The following TBRG4 variants were observed in gnomAD, a reference collection of about 807,000 sequenced individuals.
The protein encoded by TBRG4 is transforming growth factor beta regulator 4.
A neutral mutation model predicts 65.6 loss-of-function variants in TBRG4; 43 were observed. The ratio of observed to expected loss-of-function variants is 0.66; its 90% CI spans 0.51 to 0.85. The LOEUF (loss-of-function observed/expected upper bound fraction) is 0.85. Ranked by LOEUF, TBRG4 falls within the 40% of genes least tolerant of loss-of-function variation. The probability of loss-of-function intolerance (pLI) is 0.00; values close to 1 mark genes in which losing one functional copy is unlikely to be tolerated. For synonymous variants in TBRG4, 366 were observed against 341.4 expected (o/e 1.07, Z -0.79); for missense variants, 709 against 787.9 (o/e 0.90, Z 1.20).
intron 1 of TBRG4, among the ~76,000 whole-genome samples, chr7:45,110,384 C>T (rs982312313): frequency 1.3e-5 from 2 of 152,046 alleles, no homozygotes; most frequent in African/African-American, 2.4e-5. Context: ...ACAATTCTAT[C>T]GGCCAGGCGC....
At chr7:45,101,640 C>T (rs1340316273) in intron 8 of TBRG4, 26 bp from the exon 9 acceptor site, 2 of 1,610,090 alleles carry the variant, frequency 1.2e-6, no homozygotes, top group Non-Finnish European at 8.5e-7. Context: ...GGGATGAGAA[C>T]ATGTTGGGGG....
intron 2 of TBRG4, chr7:45,106,429 T>C (rs1584032564): frequency 6.2e-6 from 1 of 162,336 alleles, no homozygotes; most frequent in South Asian, 1.7e-4. Context: ...TTGAGCCTGA[T>C]GGATGTCACC....
rs770295330 is a variant in TBRG4, at chr7:45,104,110, C to T, written c.1054G>A (p.Ala352Thr). The change falls in exon 5 of 11, where the codon GCC becomes ACC. Residue 352 changes from alanine (A) to threonine (T), a missense_variant. Physicochemically the swap from Ala to Thr is moderately conservative, Grantham distance 58 (BLOSUM62 0). Coordinates refer to ENST00000258770, the MANE Select transcript of TBRG4 (RefSeq NM_004749.4). ...LKWLSLPLFE[A>T]FAQHVLNRAQ... is the part of the protein sequence containing the mutation. ...AGGCCCTGGCTCACCTGGGCAAAGG[C>T]CTCAAACAGGGGCAGGCTGAGCCAC... 30 of 1,606,838 alleles carry T rather than the reference C, an allele frequency of 1.9e-5. No individual in the cohort carries two copies. The East Asian group carries it at 5.4e-4, about 29-fold the overall frequency.
chr7:45,105,338 C>T, intron 3 of TBRG4, 103 bp downstream of exon 3: 1 of 1,288,606 alleles, frequency 7.8e-7, no homozygotes, highest in Non-Finnish European at 1.1e-6. Flanking sequence ...GGCTCTGATC[C>T]CAGTGCACAC....
intron 10 of TBRG4, 55 bp downstream of exon 10, chr7:45,101,203 A>G (rs1311167465): frequency 6.5e-7 from 1 of 1,550,234 alleles, no homozygotes; most frequent in Non-Finnish European, 8.8e-7. Flanking sequence ...TCCCCTCTCT[A>G]GCGTGGGTTG....
chr7:45,104,442 C>G (rs762768796), intron 4 of TBRG4, 96 bp downstream of exon 4: 5 of 1,597,198 alleles, frequency 3.1e-6, no homozygotes, highest in Non-Finnish European at 4.3e-6. Context: ...GGGCCAGTGC[C>G]TACCATGCAT....
In TBRG4 at chr7:45,105,710, G is replaced by T; in HGVS notation, c.466C>A (p.Leu156Met). ...TCCTTGGAGGCCTTGGGGATGCCCA[G>T]AGCATACAGGCTTCCCAGCAGCTTC... The part of the protein sequence containing the change: ...LSKLLGSLYA[L>M]GIPKASKELQ... Residue 156 changes from leucine to methionine, a missense_variant, in exon 3 of 11, where the codon CTG becomes ATG. By Grantham distance (15) the Leu-to-Met change is conservative. Coordinates refer to ENST00000258770, the MANE Select transcript of TBRG4 (RefSeq NM_004749.4). 6.2e-7 allele frequency: 1 copy of T among 1,613,956 alleles called. No individual in the cohort carries two copies. The highest frequency in any genetic ancestry group is 8.5e-7 in the Non-Finnish European group (1 of 1,180,000).
chr7:45,108,312 T>C (rs1221092942), intron 2 of TBRG4, among the ~76,000 whole-genome samples: 2 of 152,236 alleles, frequency 1.3e-5, no homozygotes, highest in Admixed American at 6.5e-5. Flanking sequence ...CTGGCTTCTG[T>C]AGTCTGAGTT....
chr7:45,104,724 C>A lies in TBRG4; in HGVS notation c.736-15G>T. 1 of 1,612,034 alleles carries A rather than the reference C, an allele frequency of 6.2e-7. No individual in the cohort carries two copies. The highest frequency in any genetic ancestry group is 8.5e-7 in the Non-Finnish European group (1 of 1,178,936). ...AACTCCAGGCACTGTCAACCACAGCCGCGCAGAGGTCAGCTCAATGGCCTG... is the reference window on the plus strand; with the variant it reads ...AACTCCAGGCACTGTCAACCACAGCAGCGCAGAGGTCAGCTCAATGGCCTG... On this transcript the variant is annotated splice_polypyrimidine_tract_variant and intron_variant, in intron 3 of 10. Transcript: ENST00000258770.
At chr7:45,104,464 T>A (rs1388761511) in intron 4 of TBRG4, 74 bp downstream of exon 4, 2 of 1,610,752 alleles carry the variant, frequency 1.2e-6, no homozygotes, top group Non-Finnish European at 1.7e-6. Flanking sequence ...GGACAGGTAC[T>A]GAATTTGACA....
chr7:45,104,783 A>G lies in TBRG4; in HGVS notation c.736-74T>C, dbSNP rs1584029592. On this transcript the variant is annotated intron_variant, in intron 3 of 10. Transcript: ENST00000258770. Reference sequence around the variant, plus strand: ...GAGATGAGCTGGGGGCAGGGGTCCCATGGTCCCATCCAGTGCAGCCCCTGT... The same window carrying G: ...GAGATGAGCTGGGGGCAGGGGTCCCGTGGTCCCATCCAGTGCAGCCCCTGT... 6 of 1,579,772 alleles carry G rather than the reference A, an allele frequency of 3.8e-6. No homozygotes were observed. The East Asian group carries it at 1.1e-4, about 30-fold the overall frequency.
rs774309105 is a variant in TBRG4 at position 45,101,379 on chromosome 7, GGAA to G, written c.1680-10_1680-8del. Reference sequence around the variant, plus strand: ...CCACCGCAAGAACGCTAGCCTGGAAGGAAGAAGAGGTGGCTGACATGCTTCCAC... The same window carrying G: ...CCACCGCAAGAACGCTAGCCTGGAAGGAAGAGGTGGCTGACATGCTTCCAC... On this transcript the variant is annotated splice_region_variant and splice_polypyrimidine_tract_variant and intron_variant, in intron 9 of 10. Transcript: ENST00000258770. The G allele has an allele frequency of 9.9e-6, 16 of 1,613,768 alleles. No homozygotes were observed. In the South Asian group the frequency reaches 1.5e-4, roughly 16 times the overall value.
At chr7:45,107,057 C>A (rs3757572) in intron 2 of TBRG4, 106,075 of 151,828 alleles carry the variant, frequency 0.7, 37,379 homozygotes, top group Non-Finnish European at 0.72. Flanking sequence ...TTTGCAGGAA[C>A]GCTTTTGACA....
In TBRG4 at chr7:45,109,685, T is replaced by A. The variant is rs190955700; in HGVS notation, c.-50-398A>T. Reference sequence around the variant, plus strand: ...TTTCAAGGGTAACCAGGATTAAAAATTACGGGCTTGGCCAGGCGTGGTGGC... The same window carrying A: ...TTTCAAGGGTAACCAGGATTAAAAAATACGGGCTTGGCCAGGCGTGGTGGC... On this transcript the variant is annotated intron_variant, in intron 1 of 10. Coordinates refer to ENST00000258770, the MANE Select transcript of TBRG4 (RefSeq NM_004749.4). Among the ~76,000 whole-genome samples, 488 of 152,204 alleles carry A rather than the reference T, an allele frequency of 3.2e-3. 1 individual carries two copies. The highest frequency in any genetic ancestry group is 0.01 in the African/African-American group (436 of 41,530).
chr7:45,107,700 G>A (rs1224716617), intron 2 of TBRG4: 3 of 154,622 alleles, frequency 1.9e-5, no homozygotes, highest in African/African-American at 4.8e-5. Flanking sequence ...GAAAATCTTT[G>A]AAAAGAAAGC....
chr7:45,103,498 GTCC>G lies in TBRG4; in HGVS notation c.1066-58_1066-56del, dbSNP rs1484686608. 1.0e-5 allele frequency: 14 copies of G among 1,382,826 alleles called. No homozygotes were observed. In the Admixed American group the frequency reaches 2.8e-4, roughly 28 times the overall value. 85.7% of individuals were successfully genotyped at this position (1,382,826 alleles called of 1,614,324 possible). ...GAATAAGCTCTCTGCCCAGCACGCT[GTCC>G]TCCTGCCTGGCTCTGAGTCTGAGGA... On this transcript the variant is annotated intron_variant, in intron 5 of 10. Coordinates refer to ENST00000258770, the MANE Select transcript of TBRG4 (RefSeq NM_004749.4).
intron 1 of TBRG4, chr7:45,110,913 G>C (rs996906930): frequency 1.3e-5 from 2 of 152,128 alleles, no homozygotes; most frequent in African/African-American, 4.8e-5. Context: ...AGATCAGAGA[G>C]TCGGAGTATT....
chr7:45,106,323 CT>C (rs1784953340), intron 2 of TBRG4: 1 of 283,720 alleles, frequency 3.5e-6, no homozygotes, highest in South Asian at 3.5e-5. Context: ...AGACCACACT[CT>C]TTTACATGGT....
At chr7:45,104,281 G>A (rs761643518) in intron 4 of TBRG4, 25 bp from the exon 5 acceptor site, 11 of 1,612,950 alleles carry the variant, frequency 6.8e-6, no homozygotes. Flanking sequence ...AGATCACAGG[G>A]TTTAGCTGGA....
Sources: gnomAD v4.1 joint callset for allele counts (sites outside exome capture counted in the v4.1 genomes callset) on GRCh38, gnomAD v4.1.1 for gene constraint, MANE v1.5 for transcripts, NCBI Gene and HGNC (gene_info 2026-07-23, HGNC 2026-07-21) for gene names.